ZNF676: variants seen among roughly 807,000 people sequenced by gnomAD.
ZNF676 encodes the protein zinc finger protein 676.
A neutral mutation model predicts 6.0 loss-of-function variants in ZNF676; 4 were observed. The observed-to-expected ratio is 0.67, with a 90% CI of 0.33 to 1.53. The LOEUF (loss-of-function observed/expected upper bound fraction) is 1.53, where lower values mean the gene tolerates loss of function less well. Ranked by LOEUF, ZNF676 falls within the 40% of genes most tolerant of loss-of-function variation. The probability of loss-of-function intolerance (pLI) is 0.06; values close to 1 mark genes in which losing one functional copy is unlikely to be tolerated. For missense variants in ZNF676, 644 were observed against 679.7 expected, an observed-to-expected ratio of 0.95 and a Z score of 0.58; for synonymous variants, 198 against 223.1, an observed-to-expected ratio of 0.89 and a Z score of 1.00.
At chr19:22,205,613 A>C (rs1568534212) in intron 1 of ZNF676, among the ~76,000 whole-genome samples, 2 of 152,196 alleles carry the variant, frequency 1.3e-5, no homozygotes, top group Non-Finnish European at 1.5e-5. Context: ...GAAACAAATA[A>C]GAACAAAAAT....
At chr19:22,248,140 T>C in the ZNF676 span, among the ~76,000 whole-genome samples, 1 of 152,172 alleles carries the variant, frequency 6.6e-6, no homozygotes, top group African/African-American at 2.4e-5. Flanking sequence ...CTTAATCCAG[T>C]CTATCATTGT....
intron 1 of ZNF676, among the ~76,000 whole-genome samples, chr19:22,208,438 T>C (rs1445442764): frequency 6.6e-6 from 1 of 152,142 alleles, no homozygotes; most frequent in Non-Finnish European, 1.5e-5. Context: ...TTATTATAAT[T>C]CAACCATTGT....
At chr19:22,240,334 T>A in the ZNF676 span, among the ~76,000 whole-genome samples, 2 of 151,728 alleles carry the variant, frequency 1.3e-5, no homozygotes, top group African/African-American at 4.9e-5. Flanking sequence ...GTGATATGTC[T>A]CAATGTCTTC....
the ZNF676 span, among the ~76,000 whole-genome samples, chr19:22,232,352 G>C: frequency 6.6e-6 from 1 of 151,984 alleles, no homozygotes. Context: ...ATTTTTAGTA[G>C]AGACAGGGTT....
At chr19:22,247,212 G>C in the ZNF676 span, among the ~76,000 whole-genome samples, 2 of 152,046 alleles carry the variant, frequency 1.3e-5, no homozygotes, top group Non-Finnish European at 2.9e-5. Flanking sequence ...TTGGGTTAAA[G>C]ACCTCTCTTA....
chr19:22,194,834 T>C (rs1162942612), intron 1 of ZNF676, among the ~76,000 whole-genome samples: 1 of 152,022 alleles, frequency 6.6e-6, no homozygotes, highest in African/African-American at 2.4e-5. Context: ...AAACATTGAT[T>C]CCCTCTCCCC....
the ZNF676 span, among the ~76,000 whole-genome samples, chr19:22,230,342 C>G: frequency 6.6e-6 from 1 of 152,008 alleles, no homozygotes; most frequent in Non-Finnish European, 1.5e-5. Context: ...ACACTGGGAC[C>G]TGTCAGCGGG....
At chr19:22,250,965 G>A in the ZNF676 span, among the ~76,000 whole-genome samples, 8 of 152,190 alleles carry the variant, frequency 5.3e-5, no homozygotes, top group African/African-American at 1.9e-4. Context: ...ACTCACCTTG[G>A]TCTCCCATAG....
At chr19:22,191,298 C>G (rs561536455) in intron 2 of ZNF676, among the ~76,000 whole-genome samples, 2 of 152,136 alleles carry the variant, frequency 1.3e-5, no homozygotes, top group Non-Finnish European at 2.9e-5. Flanking sequence ...TGACTACAGA[C>G]CAGAAAATGT....
At chr19:22,239,150 C>T in the ZNF676 span, among the ~76,000 whole-genome samples, 3 of 151,398 alleles carry the variant, frequency 2.0e-5, no homozygotes, top group South Asian at 6.3e-4. Flanking sequence ...AGTCAGCATT[C>T]TACCTGTGGG....
intron 1 of ZNF676, among the ~76,000 whole-genome samples, chr19:22,214,090 A>G (rs1197823505): frequency 6.6e-6 from 1 of 152,228 alleles, no homozygotes; most frequent in Non-Finnish European, 1.5e-5. Flanking sequence ...GATCATGTGA[A>G]TAAGGGAGGG....
chr19:22,251,287 C>T, the ZNF676 span, among the ~76,000 whole-genome samples: 136,691 of 152,194 alleles, frequency 0.9, 63,193 homozygotes, highest in East Asian at 1. Flanking sequence ...TCAGTTTTAC[C>T]ATGATTTGTC....
intron 2 of ZNF676, among the ~76,000 whole-genome samples, chr19:22,186,120 G>A (rs2023835289): frequency 6.6e-6 from 1 of 152,238 alleles, no homozygotes; most frequent in East Asian, 1.9e-4. Flanking sequence ...AATGTTGAGG[G>A]CAGCCACACA....
the ZNF676 span, among the ~76,000 whole-genome samples, chr19:22,256,634 C>T: frequency 1.8e-4 from 28 of 152,174 alleles, no homozygotes; most frequent in African/African-American, 6.5e-4. Flanking sequence ...ATGCATGTGC[C>T]TCCTATCCCC....
chr19:22,211,979 C>T (rs2144824490), intron 1 of ZNF676, among the ~76,000 whole-genome samples: 1 of 151,036 alleles, frequency 6.6e-6, no homozygotes, highest in Non-Finnish European at 1.5e-5. Context: ...GCAGGTGGAT[C>T]ATGAGGTCAG....
the ZNF676 span, among the ~76,000 whole-genome samples, chr19:22,225,579 G>A: frequency 2.0e-5 from 3 of 152,200 alleles, no homozygotes; most frequent in East Asian, 5.8e-4. Flanking sequence ...AATCAGCATA[G>A]GTTTCATTTT....
chr19:22,246,101 T>C, the ZNF676 span, among the ~76,000 whole-genome samples: 19 of 152,040 alleles, frequency 1.2e-4, no homozygotes, highest in African/African-American at 4.6e-4. Flanking sequence ...TAGTGATATG[T>C]TACAATCCCC....
the ZNF676 span, among the ~76,000 whole-genome samples, chr19:22,252,555 C>T: frequency 1.3e-5 from 2 of 152,110 alleles, no homozygotes; most frequent in Non-Finnish European, 2.9e-5. Context: ...CTGGGTACAG[C>T]AGTATGTCCC....
chr19:22,191,426 T>C (rs1319524225), intron 2 of ZNF676, among the ~76,000 whole-genome samples: 1 of 152,122 alleles, frequency 6.6e-6, no homozygotes. Context: ...CTGATACCCA[T>C]TTAGAGCCAT....
Sources: gnomAD v4.1 joint callset for allele counts (sites outside exome capture counted in the v4.1 genomes callset) on GRCh38, gnomAD v4.1.1 for gene constraint, MANE v1.5 for transcripts, NCBI Gene and HGNC (gene_info 2026-07-23, HGNC 2026-07-21) for gene names.